PTPN13: variants seen among roughly 807,000 people sequenced by gnomAD.
The protein encoded by PTPN13 is tyrosine-protein phosphatase non-receptor type 13.
A neutral mutation model predicts 284.0 loss-of-function variants in PTPN13; 191 were observed. The ratio of observed to expected loss-of-function variants is 0.67; its 90% confidence interval spans 0.60 to 0.76. PTPN13 has a LOEUF of 0.76. Ranked by LOEUF, PTPN13 falls within the 30% of genes least tolerant of loss-of-function variation. The pLI is 0.00. For missense variants in PTPN13, 2,797 were observed against 2,939.9 expected (o/e 0.95, Z 1.12); for synonymous variants, 986 against 1,022.3 (o/e 0.96, Z 0.68).
At chr4:86,785,148 T>TA (rs1741747565) in intron 38 of PTPN13, 83 bp from the exon 39 acceptor site, 1 of 1,088,146 alleles carries the variant, frequency 9.2e-7, no homozygotes, top group African/African-American at 1.7e-5. Context: ...TGAAAGCACC[T>TA]AGCAAATTCT....
At chr4:86,733,442 C>G (rs549047894) in intron 12 of PTPN13, among the ~76,000 whole-genome samples, 181 of 152,114 alleles carry the variant, frequency 1.2e-3, no homozygotes, top group African/African-American at 4.1e-3. Flanking sequence ...GTTTAGGCAA[C>G]AAAGTACTAT....
At chr4:86,652,785 G>A (rs1725245016) in intron 2 of PTPN13, among the ~76,000 whole-genome samples, 1 of 151,770 alleles carries the variant, frequency 6.6e-6, no homozygotes, top group South Asian at 2.1e-4. Context: ...TTTCATACTT[G>A]GATATTCATA....
At chr4:86,694,024 A>G (rs753264167) in intron 6 of PTPN13, among the ~76,000 whole-genome samples, 24 of 152,008 alleles carry the variant, frequency 1.6e-4, no homozygotes, top group Non-Finnish European at 3.1e-4. Flanking sequence ...GTTTATGAAC[A>G]TAAACACTAC....
At chr4:86,677,551 G>T (rs1352278686) in intron 3 of PTPN13, among the ~76,000 whole-genome samples, 1 of 151,196 alleles carries the variant, frequency 6.6e-6, no homozygotes, top group African/African-American at 2.4e-5. Flanking sequence ...TTGACCTCGT[G>T]ATCCATCTGC....
chr4:86,798,215 G>A (rs564146963), intron 41 of PTPN13, among the ~76,000 whole-genome samples: 1 of 152,288 alleles, frequency 6.6e-6, no homozygotes, highest in South Asian at 2.1e-4. Flanking sequence ...TTGATGAGAC[G>A]AATGAGCAGG....
At chr4:86,644,172 C>T (rs1429903495) in intron 2 of PTPN13, among the ~76,000 whole-genome samples, 1 of 151,592 alleles carries the variant, frequency 6.6e-6, no homozygotes, top group Non-Finnish European at 1.5e-5. Flanking sequence ...TCTCACTCTG[C>T]CACTCAGGCT....
intron 4 of PTPN13, among the ~76,000 whole-genome samples, chr4:86,687,252 C>T (rs553633414): frequency 2.0e-5 from 3 of 152,116 alleles, no homozygotes; most frequent in Non-Finnish European, 4.4e-5. Flanking sequence ...CACTTCAAAT[C>T]GTACATCATA....
intron 2 of PTPN13, among the ~76,000 whole-genome samples, chr4:86,638,067 T>G (rs1184907313): frequency 1.3e-5 from 2 of 152,064 alleles, no homozygotes; most frequent in Non-Finnish European, 2.9e-5. Flanking sequence ...ATGAGTGAAC[T>G]CCCATTCACA....
chr4:86,612,761 T>C (rs1229915656), intron 1 of PTPN13, among the ~76,000 whole-genome samples: 1 of 152,184 alleles, frequency 6.6e-6, no homozygotes, highest in East Asian at 1.9e-4. Flanking sequence ...GGAACAAAGA[T>C]GACTATTACA....
chr4:86,602,734 G>A (rs1764414422), intron 1 of PTPN13, among the ~76,000 whole-genome samples: 1 of 150,958 alleles, frequency 6.6e-6, no homozygotes, highest in South Asian at 2.1e-4. Flanking sequence ...AGTCACTCAG[G>A]CTGGAGTGTA....
chr4:86,705,882 A>G (rs575667471), intron 7 of PTPN13, among the ~76,000 whole-genome samples: 5 of 152,194 alleles, frequency 3.3e-5, no homozygotes, highest in Admixed American at 3.3e-4. Flanking sequence ...AATAATTGGA[A>G]GAAACAAAAT....
At chr4:86,711,458 ACTT>A (rs1732409828) in intron 7 of PTPN13, among the ~76,000 whole-genome samples, 1 of 152,054 alleles carries the variant, frequency 6.6e-6, no homozygotes. Context: ...CCTATATGGT[ACTT>A]CTTTTTTGGT....
At chr4:86,608,931 C>A (rs1765031295) in intron 1 of PTPN13, among the ~76,000 whole-genome samples, 1 of 152,108 alleles carries the variant, frequency 6.6e-6, no homozygotes, top group Admixed American at 6.5e-5. Flanking sequence ...AACAAAGTTT[C>A]TTTTCTTCTC....
chr4:86,731,479 CA>C (rs1734951912), intron 10 of PTPN13, among the ~76,000 whole-genome samples: 1 of 152,156 alleles, frequency 6.6e-6, no homozygotes, highest in Non-Finnish European at 1.5e-5. Flanking sequence ...GGGACATTGG[CA>C]GGGGTCAGAG....
At chr4:86,785,704 T>G (rs565290472) in intron 39 of PTPN13, 144 bp from the exon 40 acceptor site, 1 of 495,170 alleles carries the variant, frequency 2.0e-6, no homozygotes, top group African/African-American at 2.0e-5. Context: ...ACTTGATCAT[T>G]TCTTCCTAAC....
chr4:86,681,054 A>G (rs1023558737), intron 3 of PTPN13, among the ~76,000 whole-genome samples: 5 of 152,182 alleles, frequency 3.3e-5, no homozygotes, highest in Non-Finnish European at 7.4e-5. Context: ...GATGATGTGC[A>G]GGGAATATGC....
At position 86,649,007 on chromosome 4, in the gene PTPN13, G is replaced by A. The variant is rs549473519; in HGVS notation, c.115+13636G>A. 1.1e-4 allele frequency among the ~76,000 whole-genome samples: 16 copies of A among 152,020 alleles called. No homozygotes were observed. The South Asian group carries it at 3.3e-3, about 32-fold the overall frequency. ...TTGAGCATTTTTTATATACTTCTTG[G>A]CCATTTGTATGTCTTCCTTTGAGAA... On this transcript the variant is annotated intron_variant, in intron 2 of 47. Transcript: ENST00000411767.
intron 1 of PTPN13, among the ~76,000 whole-genome samples, chr4:86,633,682 C>T (rs1722710798): frequency 6.6e-6 from 1 of 152,200 alleles, no homozygotes; most frequent in African/African-American, 2.4e-5. Context: ...TCACACAAGT[C>T]ATGTTGGTAT....
chr4:86,753,086 T>C, intron 20 of PTPN13, 21 bp downstream of exon 20: 1 of 1,569,462 alleles, frequency 6.4e-7, no homozygotes, highest in Admixed American at 1.7e-5. Flanking sequence ...AAAATGTTTT[T>C]CCCCTCATTT....
Sources: allele counts gnomAD v4.1 joint callset (sites outside exome capture counted in the v4.1 genomes callset), GRCh38; gene constraint gnomAD v4.1.1; transcripts MANE v1.5; gene names NCBI Gene and HGNC (gene_info 2026-07-23, HGNC 2026-07-21).